The following MNDA variants were observed in gnomAD, a reference collection of about 807,000 sequenced individuals.
MNDA encodes myeloid cell nuclear differentiation antigen.
A neutral mutation model predicts 37.8 loss-of-function variants in MNDA; 43 were observed. The observed-to-expected ratio is 1.14, with a 90% CI of 0.89 to 1.47. The LOEUF (loss-of-function observed/expected upper bound fraction) is 1.47, where lower values mean the gene tolerates loss of function less well. Ranked by LOEUF, MNDA falls within the 40% of genes most tolerant of loss-of-function variation. The pLI is 0.00. For missense variants in MNDA, 536 were observed against 476.0 expected (o/e 1.13, Z -1.17); for synonymous variants, 181 against 169.0 (o/e 1.07, Z -0.55).
At chr1:158,846,437 G>A (rs1246847397) in intron 5 of MNDA, among the ~76,000 whole-genome samples, 3 of 152,156 alleles carry the variant, frequency 2.0e-5, no homozygotes, top group African/African-American at 7.2e-5. Flanking sequence ...AAGTGGATTG[G>A]CTGGTATGCT....
Position 158,842,169 on chromosome 1 carries a change from A to G in MNDA, c.16A>G (p.Lys6Glu). 2 of 1,610,866 alleles carry G rather than the reference A, an allele frequency of 1.2e-6. No individual in the cohort carries two copies. Among genetic ancestry groups the G allele is most frequent in the Non-Finnish European group, 1.7e-6 (2 of 1,178,572 alleles). The change falls in exon 2 of 7, where the codon AAG becomes GAG. Residue 6 changes from lysine (K) to glutamate (E), a missense_variant. Physicochemically the swap from Lys to Glu is moderately conservative, Grantham distance 56. Transcript: ENST00000368141. The part of the protein sequence containing the change: MVNEY[K>E]KILLLKGFEL... The stretch of plus-strand genomic sequence containing the variant: ...AACATCAGAAATGGTGAATGAATAC[A>G]AGAAAATTCTTTTGCTGAAAGGATT...
chr1:158,843,878 T>C, intron 3 of MNDA, 77 bp from the exon 4 acceptor site: 1 of 1,297,786 alleles, frequency 7.7e-7, no homozygotes, highest in Non-Finnish European at 1.1e-6. Flanking sequence ...CTTACTATGT[T>C]GTAATGAAAA....
chr1:158,845,412 T>G (rs996763327), intron 4 of MNDA, among the ~76,000 whole-genome samples, 175 bp from the exon 5 acceptor site: 2 of 152,110 alleles, frequency 1.3e-5, no homozygotes, highest in Non-Finnish European at 2.9e-5. Context: ...TAGTTTTTTT[T>G]GTATTTTTAG....
At chr1:158,848,592 T>C (rs1463254786) in intron 6 of MNDA, among the ~76,000 whole-genome samples, 2 of 152,052 alleles carry the variant, frequency 1.3e-5, no homozygotes, top group Non-Finnish European at 2.9e-5. Context: ...CAAAAGTAAA[T>C]TAATGGAAAC....
At position 158,843,358 on chromosome 1, in the gene MNDA, A is replaced by G; in HGVS notation, c.345A>G (p.Ala115=). Residue 115 remains alanine (A), a synonymous_variant, in exon 3 of 7, where the codon GCA becomes GCG. Coordinates refer to ENST00000368141, the MANE Select transcript of MNDA (RefSeq NM_002432.3). The stretch of plus-strand genomic sequence containing the variant: ...AAGAAGTGGGTCTTGCGGCACCTGC[A>G]CCCACCGCAAGAAACAAACTGACAT... ...NQEEVGLAAP[A]PTARNKLTSE... is the part of the protein sequence containing the mutation. 1.2e-6 allele frequency: 2 copies of G among 1,612,986 alleles called. No homozygotes were observed. The highest frequency in any genetic ancestry group is 1.7e-6 in the Non-Finnish European group (2 of 1,179,510).
rs754663744 is a variant in MNDA, at chr1:158,842,432, C to T, written c.265+14C>T. Reference sequence around the variant, plus strand: ...AGAAGTCAAAAGGTAATAGAGAAAACCTTGCACATAGCTACTCTGCCTTGA... The same window carrying T: ...AGAAGTCAAAAGGTAATAGAGAAAATCTTGCACATAGCTACTCTGCCTTGA... On this transcript the variant is annotated intron_variant, in intron 2 of 6. Coordinates refer to ENST00000368141, the MANE Select transcript of MNDA (RefSeq NM_002432.3). The T allele has an allele frequency of 5.0e-6, 8 of 1,601,202 alleles. 1 individual carries two copies. The Admixed American group carries it at 1.4e-4, about 28-fold the overall frequency.
At chr1:158,834,124 T>C (rs1328650283) in intron 1 of MNDA, among the ~76,000 whole-genome samples, 3 of 152,146 alleles carry the variant, frequency 2.0e-5, no homozygotes, top group Non-Finnish European at 4.4e-5. Flanking sequence ...TTTTTATGGG[T>C]TTGATTTGTA....
Position 158,847,764 on chromosome 1 carries a change from C to T in MNDA, c.1024C>T (p.Gln342Ter), listed in dbSNP as rs750845487. ...CAAGAAGAACACAATTTATGAAATA[C>T]AGGATAATACAGGATCCATGGATGT... ...VHKKNTIYEIQDNTGSMDVVG... is the reference protein window; with the variant it reads ...VHKKNTIYEI Residue 342 changes from glutamine (Q) to a stop codon, truncating the protein, a stop_gained, in exon 6 of 7, where the codon CAG (glutamine) becomes TAG (stop). Transcript: ENST00000368141. LOFTEE classifies it high-confidence loss of function. The T allele has an allele frequency of 1.7e-5, 27 of 1,612,060 alleles. No homozygotes were observed. Among genetic ancestry groups the T allele is most frequent in the Middle Eastern group, 1.7e-4 (1 of 6,056 alleles).
chr1:158,834,311 C>A (rs1658866504), intron 1 of MNDA, among the ~76,000 whole-genome samples: 1 of 149,622 alleles, frequency 6.7e-6, no homozygotes, highest in South Asian at 2.1e-4. Flanking sequence ...CGACTCACTG[C>A]AAGCTCCGCC....
chr1:158,840,788 T>C (rs896962676), intron 1 of MNDA, among the ~76,000 whole-genome samples: 1 of 152,184 alleles, frequency 6.6e-6, no homozygotes, highest in Non-Finnish European at 1.5e-5. Flanking sequence ...TCATTTTGCT[T>C]TTAATATTCT....
chr1:158,833,459 T>C (rs570824222), intron 1 of MNDA, among the ~76,000 whole-genome samples: 1 of 152,342 alleles, frequency 6.6e-6, no homozygotes, highest in African/African-American at 2.4e-5. Context: ...ACTAAAACTC[T>C]AACCGTTAAC....
Position 158,849,245 on chromosome 1 carries a change from A to G in MNDA, c.*8A>G, listed in dbSNP as rs992844361. On this transcript the variant is annotated 3_prime_UTR_variant, in exon 7 of 7. Coordinates refer to ENST00000368141, the MANE Select transcript of MNDA (RefSeq NM_002432.3). Reference sequence around the variant, plus strand: ...CCAATGAATGTTAATTGAAATATGAAAGCTGAAATGCAACAAACAACTTCC... The same window carrying G: ...CCAATGAATGTTAATTGAAATATGAGAGCTGAAATGCAACAAACAACTTCC... 21 of 1,611,304 alleles carry G rather than the reference A, an allele frequency of 1.3e-5. No homozygotes were observed. The highest frequency in any genetic ancestry group is 1.8e-5 in the Non-Finnish European group (21 of 1,178,244).
At chr1:158,846,106 T>C (rs558736719) in intron 5 of MNDA, 103 bp downstream of exon 5, 2 of 1,106,284 alleles carry the variant, frequency 1.8e-6, no homozygotes, top group Admixed American at 5.2e-5. Context: ...AGAATTTATA[T>C]TGACTAGAGA....
At position 158,842,401 on chromosome 1, in the gene MNDA, G is replaced by A. The variant is rs757085230; in HGVS notation, c.248G>A (p.Arg83Gln). 41 of 1,611,092 alleles carry A rather than the reference G, an allele frequency of 2.5e-5. No homozygotes were observed. The highest frequency in any genetic ancestry group is 5.1e-5 in the Admixed American group (3 of 59,216). Residue 83 changes from arginine to glutamine, a missense_variant, in exon 2 of 7, where the codon CGA becomes CAA. Coordinates refer to ENST00000368141, the MANE Select transcript of MNDA (RefSeq NM_002432.3). Reference protein sequence around the residue: ...PSLKNLVNNLRKEKSKVAKKI... With the variant: ...PSLKNLVNNLQKEKSKVAKKI... ...CTTAAAAACCTTGTTAACAATCTTC[G>A]AAAAGAGAAGTCAAAAGGTAATAGA...
intron 4 of MNDA, 128 bp downstream of exon 4, chr1:158,844,250 T>C (rs1571659022): frequency 2.0e-6 from 2 of 999,826 alleles, no homozygotes; most frequent in Non-Finnish European, 2.9e-6. Context: ...CTGTTTTCCA[T>C]ATTATGATAA....
At position 158,842,226 on chromosome 1, in the gene MNDA, A is replaced by G. The variant is rs565293601; in HGVS notation, c.73A>G (p.Ile25Val). Residue 25 changes from isoleucine (I) to valine (V), a missense_variant, in exon 2 of 7, where the codon ATT becomes GTT. Physicochemically the swap from Ile to Val is conservative, Grantham distance 29. Transcript: ENST00000368141. Reference sequence around the variant, plus strand: ...CATGGATGATTATCATTTTACATCAATTAAGTCCTTACTGGCCTATGATTT... The same window carrying G: ...CATGGATGATTATCATTTTACATCAGTTAAGTCCTTACTGGCCTATGATTT... The part of the protein sequence containing the change: ...ELMDDYHFTS[I>V]KSLLAYDLGL... 777 of 1,614,030 alleles carry G rather than the reference A, an allele frequency of 4.8e-4. 13 individuals are homozygous for G. The South Asian group carries it at 8.1e-3, about 17-fold the overall frequency.
intron 1 of MNDA, among the ~76,000 whole-genome samples, chr1:158,841,285 G>A (rs1659024041): frequency 6.6e-6 from 1 of 152,096 alleles, no homozygotes; most frequent in South Asian, 2.1e-4. Context: ...TTTATGCAAG[G>A]CCTTTCAAGT....
At chr1:158,846,117 T>C in intron 5 of MNDA, 114 bp downstream of exon 5, 2 of 1,023,772 alleles carry the variant, frequency 2.0e-6, no homozygotes, top group South Asian at 3.5e-5. Flanking sequence ...TGACTAGAGA[T>C]AGTGATGAAG....
intron 6 of MNDA, 150 bp downstream of exon 6, chr1:158,848,066 A>AT: frequency 1.4e-6 from 1 of 696,564 alleles, no homozygotes; most frequent in Non-Finnish European, 2.4e-6. Context: ...TAACTGGAAG[A>AT]TTTTCAGAAG....
Sources: allele counts gnomAD v4.1 joint callset (sites outside exome capture counted in the v4.1 genomes callset), GRCh38; gene constraint gnomAD v4.1.1; transcripts MANE v1.5; gene names NCBI Gene and HGNC (gene_info 2026-07-23, HGNC 2026-07-21).